The following COL4A5 variants were observed in gnomAD, a reference collection of about 807,000 sequenced individuals.
COL4A5 encodes the protein collagen type IV alpha 5 chain, also known as collagen alpha-5(IV) chain.
COL4A5 carries 26 observed loss-of-function variants against 130.2 expected under a neutral mutation model. That is an observed-to-expected ratio of 0.20 (90% CI 0.15 to 0.28). COL4A5 has a LOEUF of 0.28. Ranked by LOEUF, COL4A5 falls within the 10% of genes least tolerant of loss-of-function variation. The pLI is 1.00. For synonymous variants in COL4A5, 496 were observed against 439.6 expected, an observed-to-expected ratio of 1.13 and a Z score of -1.60; for missense variants, 1,131 against 1,344.3, an observed-to-expected ratio of 0.84 and a Z score of 2.48.
chrX:108,513,232 A>T (rs1425058677), intron 1 of COL4A5, among the ~76,000 whole-genome samples: 3 of 110,553 alleles, frequency 2.7e-5, no homozygotes, highest in Non-Finnish European at 3.8e-5. Flanking sequence ...CAGGAGGCGG[A>T]GCTTGCAGTG....
At chrX:108,495,413 C>G (rs2065026310) in intron 1 of COL4A5, among the ~76,000 whole-genome samples, 1 of 111,135 alleles carries the variant, frequency 9.0e-6, no homozygotes, top group South Asian at 3.8e-4. Flanking sequence ...TAGCTATAAA[C>G]GGAGAAAATA....
At chrX:108,462,101 A>G in intron 1 of COL4A5, among the ~76,000 whole-genome samples, 1 of 111,538 alleles carries the variant, frequency 9.0e-6, no homozygotes, top group Non-Finnish European at 1.9e-5. Flanking sequence ...ATGCAACATT[A>G]GCTTAAACAT....
chrX:108,690,142 A>G (rs2068621853), intron 49 of COL4A5: 18 of 368,872 alleles, frequency 4.9e-5, no homozygotes, highest in Non-Finnish European at 5.2e-5. Context: ...ACTATGATTA[A>G]GAAAAATGTA....
At chrX:108,637,466 C>G (rs1277699894) in intron 36 of COL4A5, among the ~76,000 whole-genome samples, 2 of 110,779 alleles carry the variant, frequency 1.8e-5, no homozygotes, top group African/African-American at 6.6e-5. Context: ...AAATAAAATA[C>G]AGAACTAAAA....
chrX:108,588,983 G>A (rs2066386695), intron 19 of COL4A5, among the ~76,000 whole-genome samples: 2 of 111,550 alleles, frequency 1.8e-5, no homozygotes, highest in Admixed American at 1.9e-4. Context: ...AAGAAAAAAG[G>A]GAATTCTGGA....
chrX:108,452,747 G>C (rs36152358), intron 1 of COL4A5, among the ~76,000 whole-genome samples: 1 of 111,787 alleles, frequency 8.9e-6, no homozygotes, highest in Non-Finnish European at 1.9e-5. Context: ...GGGTTTTCTA[G>C]ATATACAATC....
chrX:108,520,935 G>A (rs759299171), intron 1 of COL4A5, among the ~76,000 whole-genome samples: 2 of 111,548 alleles, frequency 1.8e-5, no homozygotes, highest in Non-Finnish European at 3.8e-5. Context: ...TGCCATATTT[G>A]TTTGTCTCTT....
intron 36 of COL4A5, among the ~76,000 whole-genome samples, chrX:108,634,137 A>G (rs1368078736): frequency 9.1e-6 from 1 of 109,668 alleles, no homozygotes; most frequent in Non-Finnish European, 1.9e-5. Context: ...CTTGTCTCCC[A>G]GTGATAAAGC....
At chrX:108,548,369 C>T (rs1262719110) in intron 2 of COL4A5, among the ~76,000 whole-genome samples, 5 of 111,336 alleles carry the variant, frequency 4.5e-5, no homozygotes, top group Non-Finnish European at 9.4e-5. Flanking sequence ...AAGAAATAGT[C>T]AGTAATCTTA....
chrX:108,666,557 T>A lies in COL4A5; in HGVS notation c.3516T>A (p.Asp1172Glu). ...PPGEKGKPGQ[D>E]GIPGPAGQKG... is the part of the protein sequence containing the mutation. Reference sequence around the variant, plus strand: ...GCGAAAAAGGCAAACCCGGTCAAGATGGTATTCCTGGACCAGCTGGACAGA... The same window carrying A: ...GCGAAAAAGGCAAACCCGGTCAAGAAGGTATTCCTGGACCAGCTGGACAGA... The change falls in exon 39 of 53, where the codon GAT becomes GAA. Residue 1172 changes from aspartate (D) to glutamate (E), a missense_variant. Coordinates refer to ENST00000328300, the MANE Select transcript of COL4A5 (RefSeq NM_033380.3). 2 of 1,208,072 alleles carry A rather than the reference T, an allele frequency of 1.7e-6. No individual in the cohort carries two copies. Among genetic ancestry groups the A allele is most frequent in the Non-Finnish European group, 2.2e-6 (2 of 893,350 alleles).
intron 1 of COL4A5, among the ~76,000 whole-genome samples, chrX:108,474,785 A>G (rs1415940681): frequency 9.0e-6 from 1 of 111,504 alleles, no homozygotes; most frequent in Non-Finnish European, 1.9e-5. Context: ...AAGGGATGAG[A>G]TAAGAGTTCA....
At chrX:108,693,423 A>G (rs1001395918) in intron 50 of COL4A5, among the ~76,000 whole-genome samples, 1 of 111,776 alleles carries the variant, frequency 8.9e-6, no homozygotes, top group Non-Finnish European at 1.9e-5. Flanking sequence ...AGGATGTAGT[A>G]TGTAAAGGTT....
rs151237684 is a variant in COL4A5 at position 108,610,594 on chromosome X, G to T, written c.2395+3702G>T. Among the ~76,000 whole-genome samples, 20 of 111,803 alleles carry T rather than the reference G, an allele frequency of 1.8e-4. 1 individual carries two copies. Among genetic ancestry groups the T allele is most frequent in the Admixed American group, 1.4e-3 (15 of 10,495 alleles). ...GAAATATGTGGCAAACAGTCTTCCT[G>T]TGGAAGTTACCCACTTACTGTATTT... On this transcript the variant is annotated intron_variant, in intron 29 of 52. Transcript: ENST00000328300.
intron 29 of COL4A5, among the ~76,000 whole-genome samples, chrX:108,608,375 A>C (rs746223206): frequency 5.4e-5 from 6 of 111,684 alleles, no homozygotes; most frequent in Non-Finnish European, 7.5e-5. Flanking sequence ...TGAACCTTTT[A>C]TCTCCCTGCC....
At chrX:108,673,456 G>T (rs1013731273) in intron 42 of COL4A5, among the ~76,000 whole-genome samples, 1 of 110,655 alleles carries the variant, frequency 9.0e-6, no homozygotes, top group African/African-American at 3.3e-5. Context: ...ACTAACCAAG[G>T]GGTGCTCTAT....
chrX:108,644,563 A>C (rs1303223048), intron 36 of COL4A5, among the ~76,000 whole-genome samples: 1 of 111,916 alleles, frequency 8.9e-6, no homozygotes, highest in Non-Finnish European at 1.9e-5. Flanking sequence ...ATAAAACTGG[A>C]AATCAAATCC....
At chrX:108,614,219 A>G (rs1306841104) in intron 29 of COL4A5, among the ~76,000 whole-genome samples, 1 of 112,126 alleles carries the variant, frequency 8.9e-6, no homozygotes, top group Non-Finnish European at 1.9e-5. Flanking sequence ...GGAAAGAAAA[A>G]TCTGTAAGAC....
At chrX:108,592,963 G>A (rs1279028511) in intron 21 of COL4A5, among the ~76,000 whole-genome samples, 1 of 110,802 alleles carries the variant, frequency 9.0e-6, no homozygotes, top group African/African-American at 3.3e-5. Context: ...GCTCTTTTGT[G>A]CCTGGTTTCT....
intron 2 of COL4A5, among the ~76,000 whole-genome samples, chrX:108,554,501 A>G (rs2065796120): frequency 9.0e-6 from 1 of 111,554 alleles, no homozygotes; most frequent in Non-Finnish European, 1.9e-5. Context: ...ATTATGTGGT[A>G]TACAACTCGA....
Sources: allele counts gnomAD v4.1 joint callset (sites outside exome capture counted in the v4.1 genomes callset), GRCh38; gene constraint gnomAD v4.1.1; transcripts MANE v1.5; gene names NCBI Gene and HGNC (gene_info 2026-07-23, HGNC 2026-07-21).